Variants in TUSC3 observed in about 807,000 individuals in gnomAD.
TUSC3 encodes dolichyl-diphosphooligosaccharide--protein glycosyltransferase subunit TUSC3.
A neutral mutation model predicts 44.8 loss-of-function variants in TUSC3; 45 were observed. That is an observed-to-expected ratio of 1.00 (90% CI 0.79 to 1.29). The LOEUF (loss-of-function observed/expected upper bound fraction) is 1.29, where lower values mean the gene tolerates loss of function less well. Among genes scored for constraint, TUSC3 ranks in the 50% most tolerant of loss-of-function variants. TUSC3 has a pLI of 0.00. For synonymous variants in TUSC3, 212 were observed against 152.9 expected, an observed-to-expected ratio of 1.39 and a Z score of -2.85; for missense variants, 519 against 437.9, an observed-to-expected ratio of 1.19 and a Z score of -1.65.
chr8:15,472,716 A>G (rs1800510365), intron 1 of TUSC3, among the ~76,000 whole-genome samples: 1 of 152,232 alleles, frequency 6.6e-6, no homozygotes, highest in African/African-American at 2.4e-5. Flanking sequence ...CAGGTTAATT[A>G]TAAATGTTTT....
intron 6 of TUSC3, among the ~76,000 whole-genome samples, chr8:15,705,632 C>G (rs1056060708): frequency 2.0e-5 from 3 of 152,012 alleles, no homozygotes; most frequent in Admixed American, 2.0e-4. Context: ...ATTCCAACAT[C>G]CTTGAGCATG....
chr8:15,804,040 T>A, the TUSC3 span, among the ~76,000 whole-genome samples: 1 of 152,226 alleles, frequency 6.6e-6, no homozygotes, highest in Non-Finnish European at 1.5e-5. Context: ...AGTAGAATGA[T>A]TTATAATCCT....
chr8:15,741,462 A>G (rs1585290214), intron 7 of TUSC3, among the ~76,000 whole-genome samples: 2 of 152,208 alleles, frequency 1.3e-5, no homozygotes, highest in Admixed American at 1.3e-4. Flanking sequence ...TAATCCCAGC[A>G]CTTTGGGAGA....
intron 7 of TUSC3, among the ~76,000 whole-genome samples, chr8:15,732,764 C>G (rs141604195): frequency 6.6e-6 from 1 of 152,182 alleles, no homozygotes; most frequent in South Asian, 2.1e-4. Context: ...TTACAAATCG[C>G]GTTTATATTG....
chr8:15,814,268 A>G, the TUSC3 span, among the ~76,000 whole-genome samples: 1 of 152,104 alleles, frequency 6.6e-6, no homozygotes, highest in African/African-American at 2.4e-5. Flanking sequence ...ACTAAGTTCC[A>G]TGATAAAACA....
intron 3 of TUSC3, among the ~76,000 whole-genome samples, chr8:15,657,831 G>A (rs1807242345): frequency 6.6e-6 from 1 of 152,172 alleles, no homozygotes; most frequent in African/African-American, 2.4e-5. Context: ...CCTGAGACTG[G>A]ATAAGTATAA....
At chr8:15,768,695 T>C (rs1391351098), downstream of TUSC3, among the ~76,000 whole-genome samples, 2 of 152,142 alleles carry the variant, frequency 1.3e-5, no homozygotes, top group African/African-American at 4.8e-5. Context: ...GAATACCCCA[T>C]CATCTCAGCC....
In TUSC3 at chr8:15,623,231, G is replaced by T. The variant is rs777763298; in HGVS notation, c.290G>T (p.Arg97Leu). 6.2e-7 allele frequency: 1 copy of T among 1,607,282 alleles called. No individual in the cohort carries two copies. Among genetic ancestry groups the T allele is most frequent in the Non-Finnish European group, 8.5e-7 (1 of 1,176,782 alleles). ...IVMFTALQPQ[R>L]QCSVCRQANE... ...ATGTTCACTGCTCTTCAGCCTCAGC[G>T]GCAGTGTTCTGTGTGCAGGTAATTT... Residue 97 changes from arginine (R) to leucine (L), a missense_variant, in exon 2 of 11, where the codon CGG (arginine) becomes CTG (leucine). Coordinates refer to ENST00000503731, the MANE Select transcript of TUSC3 (RefSeq NM_006765.4).
chr8:15,433,735 T>C (rs1268559904), intron 1 of TUSC3, among the ~76,000 whole-genome samples: 1 of 152,274 alleles, frequency 6.6e-6, no homozygotes, highest in Admixed American at 6.5e-5. Flanking sequence ...TGCTTGAGTG[T>C]TTTTGATGTT....
intron 1 of TUSC3, among the ~76,000 whole-genome samples, chr8:15,581,957 C>T (rs532160085): frequency 6.0e-5 from 9 of 150,468 alleles, no homozygotes; most frequent in Middle Eastern, 3.4e-3. Flanking sequence ...TAGCAGTCAG[C>T]GAGATTCCGT....
intron 1 of TUSC3, among the ~76,000 whole-genome samples, chr8:15,577,277 A>G (rs1184021486): frequency 6.6e-6 from 1 of 151,242 alleles, no homozygotes; most frequent in African/African-American, 2.4e-5. Flanking sequence ...GTTCACTCTG[A>G]TGGTAGTTTC....
Position 15,730,668 on chromosome 8 carries a change from C to G in TUSC3, c.801C>G (p.Ser267Arg). ...TTTCTGTTTGTCTTCTTTTATAGAG[C>G]TACATTCATGGGAGCAGCCAGGCTC... ...AHKNPHNGQV[S>R]YIHGSSQAQF... The change falls in exon 7 of 11, where the codon AGC becomes AGG. Residue 267 changes from serine (S) to arginine (R), a missense_variant and splice_region_variant. Transcript: ENST00000503731. 6.2e-7 allele frequency: 1 copy of G among 1,612,822 alleles called. No individual in the cohort carries two copies. The highest frequency in any genetic ancestry group is 8.5e-7 in the Non-Finnish European group (1 of 1,179,270).
At chr8:15,586,139 G>A (rs539443001) in intron 1 of TUSC3, among the ~76,000 whole-genome samples, 1 of 152,288 alleles carries the variant, frequency 6.6e-6, no homozygotes, top group Non-Finnish European at 1.5e-5. Flanking sequence ...GGTCAAGTCA[G>A]AGAAGTATCC....
At position 15,540,481 on chromosome 8, in the gene TUSC3, G is replaced by A; in HGVS notation, c.51G>A (p.Leu17=). The change falls in exon 1 of 11, where the codon CTG becomes CTA. Residue 17 remains leucine, a synonymous_variant. Coordinates refer to ENST00000503731, the MANE Select transcript of TUSC3 (RefSeq NM_006765.4). ...PSRRRQAGRR[L]RYLPTGSFPF... The stretch of plus-strand genomic sequence containing the variant: ...GCCGTAGGCAAGCGGGGCGGCGGCT[G>A]CGGTACCTGCCCACCGGGAGCTTTC... The A allele has an allele frequency of 6.2e-7, 1 of 1,608,212 alleles. No individual in the cohort carries two copies. Among genetic ancestry groups the A allele is most frequent in the African/African-American group, 1.3e-5 (1 of 74,362 alleles).
chr8:15,824,090 G>A, the TUSC3 span, among the ~76,000 whole-genome samples: 6 of 152,302 alleles, frequency 3.9e-5, no homozygotes, highest in Non-Finnish European at 5.9e-5. Flanking sequence ...CATTTTAGAA[G>A]GAGGAAGAAG....
chr8:15,454,758 G>A (rs2129120879), intron 1 of TUSC3, among the ~76,000 whole-genome samples: 1 of 152,198 alleles, frequency 6.6e-6, no homozygotes, highest in East Asian at 1.9e-4. Context: ...CAGCAAAGTA[G>A]GTAAAGTGTG....
intron 2 of TUSC3, among the ~76,000 whole-genome samples, chr8:15,636,515 G>A (rs1019809641): frequency 1.3e-5 from 2 of 152,164 alleles, no homozygotes; most frequent in Admixed American, 6.5e-5. Context: ...TTGTGAGGCA[G>A]TTGCCATCCA....
At chr8:15,448,072 C>G (rs941292423) in intron 1 of TUSC3, among the ~76,000 whole-genome samples, 3 of 91,988 alleles carry the variant, frequency 3.3e-5, no homozygotes, top group Non-Finnish European at 4.8e-5. Flanking sequence ...GCATTCCTGT[C>G]AGGGCAGAAA....
the TUSC3 span, among the ~76,000 whole-genome samples, chr8:15,832,005 G>A: frequency 1.3e-5 from 2 of 152,088 alleles, no homozygotes; most frequent in Non-Finnish European, 2.9e-5. Context: ...ATTCTCCAAG[G>A]TCAAAATGAA....
Sources: allele counts gnomAD v4.1 joint callset (sites outside exome capture counted in the v4.1 genomes callset), GRCh38; gene constraint gnomAD v4.1.1; transcripts MANE v1.5; gene names NCBI Gene and HGNC (gene_info 2026-07-23, HGNC 2026-07-21).